The following PLEKHA7 variants were observed in gnomAD, a reference collection of about 807,000 sequenced individuals.
PLEKHA7 encodes pleckstrin homology domain containing A7.
A neutral mutation model predicts 170.0 loss-of-function variants in PLEKHA7; 104 were observed. The observed-to-expected ratio is 0.61, with a 90% CI of 0.52 to 0.72. PLEKHA7 has a LOEUF of 0.72. Ranked by LOEUF, PLEKHA7 falls within the 30% of genes least tolerant of loss-of-function variation. PLEKHA7 has a pLI of 0.00. For missense variants in PLEKHA7, 1,615 were observed against 1,671.7 expected, an observed-to-expected ratio of 0.97 and a Z score of 0.59; for synonymous variants, 648 against 660.8, an observed-to-expected ratio of 0.98 and a Z score of 0.30.
At chr11:16,976,421 T>A (rs565018354) in intron 3 of PLEKHA7, among the ~76,000 whole-genome samples, 1 of 152,246 alleles carries the variant, frequency 6.6e-6, no homozygotes, top group African/African-American at 2.4e-5. Context: ...GCACCCCTCT[T>A]CCCTCACTCA....
intron 3 of PLEKHA7, among the ~76,000 whole-genome samples, chr11:16,997,379 G>A (rs1864403002): frequency 1.3e-5 from 2 of 152,160 alleles, no homozygotes; most frequent in African/African-American, 4.8e-5. Context: ...CCCTTCCACT[G>A]TGAAGAAGAG....
chr11:16,788,965 G>A (rs1849594170), intron 23 of PLEKHA7, 131 bp downstream of exon 23: 1 of 1,158,406 alleles, frequency 8.6e-7, no homozygotes. Context: ...AGCCCCGTGG[G>A]GTGTTCTCTG....
At chr11:16,902,803 G>C (rs982579217) in intron 3 of PLEKHA7, among the ~76,000 whole-genome samples, 1 of 152,134 alleles carries the variant, frequency 6.6e-6, no homozygotes, top group Admixed American at 6.5e-5. Flanking sequence ...CTACCCAACA[G>C]ATGTGAGGAT....
intron 14 of PLEKHA7, 58 bp from the exon 15 acceptor site, chr11:16,803,110 G>A (rs1848710333): frequency 6.4e-7 from 1 of 1,566,402 alleles, no homozygotes; most frequent in Non-Finnish European, 8.8e-7. Context: ...CATGACCTTG[G>A]GATTGCAATC....
At chr11:16,797,563 T>G (rs72864006) in intron 17 of PLEKHA7, among the ~76,000 whole-genome samples, 2,726 of 152,246 alleles carry the variant, frequency 0.018, 35 homozygotes, top group Non-Finnish European at 0.029. Flanking sequence ...TGTCCCAAGG[T>G]GGGGCTCACA....
Position 16,778,068 on chromosome 11 carries a change from G to A in PLEKHA7, c.*930C>T, listed in dbSNP as rs566096109. Reference sequence around the variant, plus strand: ...ATGAATCACCTGAGGTCAGGAGTTCGAGACCAACCTCACCAACATGAAGAA... The same window carrying A: ...ATGAATCACCTGAGGTCAGGAGTTCAAGACCAACCTCACCAACATGAAGAA... On this transcript the variant is annotated 3_prime_UTR_variant, in exon 27 of 27. Coordinates refer to ENST00000531066, the MANE Select transcript of PLEKHA7 (RefSeq NM_001329630.2). 11 of 152,242 alleles carry A rather than the reference G, an allele frequency of 7.2e-5. No homozygotes were observed. Among genetic ancestry groups the A allele is most frequent in the African/African-American group, 1.4e-4 (6 of 41,544 alleles). The allele number at this position is 152,242 out of a possible 1,614,324, so 9.4% of individuals were successfully genotyped here. A position where few individuals can be genotyped will look rare whatever the true frequency, so the allele number is the denominator to read the frequency against.
chr11:16,930,042 T>A (rs540787613), intron 3 of PLEKHA7, among the ~76,000 whole-genome samples: 4 of 151,982 alleles, frequency 2.6e-5, no homozygotes, highest in Non-Finnish European at 5.9e-5. Flanking sequence ...AAGTATGTGC[T>A]GGGATATTTT....
At chr11:16,876,760 T>G (rs1222777930) in intron 3 of PLEKHA7, among the ~76,000 whole-genome samples, 2 of 152,266 alleles carry the variant, frequency 1.3e-5, no homozygotes, top group Non-Finnish European at 2.9e-5. Flanking sequence ...ATCCTATGGT[T>G]TCTTGCAGCA....
At chr11:17,000,942 G>C (rs1458764386) in intron 3 of PLEKHA7, among the ~76,000 whole-genome samples, 1 of 152,202 alleles carries the variant, frequency 6.6e-6, no homozygotes, top group Non-Finnish European at 1.5e-5. Flanking sequence ...AGCTACTAGT[G>C]AAGGATTTTA....
intron 3 of PLEKHA7, among the ~76,000 whole-genome samples, chr11:16,893,013 C>G (rs1409582550): frequency 6.6e-6 from 1 of 152,194 alleles, no homozygotes; most frequent in Admixed American, 6.5e-5. Flanking sequence ...TAATCCCATT[C>G]ATGAGGGCTC....
Position 16,817,745 on chromosome 11 carries a change from T to C in PLEKHA7, c.1344-423A>G, listed in dbSNP as rs772577186. On this transcript the variant is annotated intron_variant, in intron 10 of 26. Transcript: ENST00000531066. This position sits in a 1 kb window ranked among gnomAD's most constrained non-coding sequence, Gnocchi z 4.4. ...AGGTTCATAAAGGAAGTGGTTGGCATCAGTTCTCTTTTTTCTGGACTCTTC... is the reference window on the plus strand; with the variant it reads ...AGGTTCATAAAGGAAGTGGTTGGCACCAGTTCTCTTTTTTCTGGACTCTTC... Among the ~76,000 whole-genome samples the C allele has an allele frequency of 1.3e-5, 2 of 152,192 alleles. No individual in the cohort carries two copies. Among genetic ancestry groups the C allele is most frequent in the African/African-American group, 4.8e-5 (2 of 41,458 alleles).
At position 16,877,025 on chromosome 11, in the gene PLEKHA7, T is replaced by A. The variant is rs532427987; in HGVS notation, c.222-5843A>T. Among the ~76,000 whole-genome samples the A allele has an allele frequency of 6.6e-5, 10 of 152,314 alleles. No individual in the cohort carries two copies. In the South Asian group the frequency reaches 1.5e-3, roughly 22 times the overall value. On this transcript the variant is annotated intron_variant, in intron 3 of 26. Coordinates refer to ENST00000531066, the MANE Select transcript of PLEKHA7 (RefSeq NM_001329630.2). ...TCTGCTCCGTCAGCACTAGCTCTTA[T>A]CTGGCTATAAAGAGGAGAAGAAACA... is the stretch of plus-strand genomic sequence containing the variant.
intron 13 of PLEKHA7, among the ~76,000 whole-genome samples, chr11:16,809,333 C>G (rs552970779): frequency 6.6e-6 from 1 of 152,236 alleles, no homozygotes; most frequent in East Asian, 1.9e-4. Context: ...GGCTCTGGAT[C>G]CTTAAGTCCT....
chr11:16,812,435 T>A (rs1386117132), intron 13 of PLEKHA7: 1 of 152,262 alleles, frequency 6.6e-6, no homozygotes. Context: ...AAAGGTCACA[T>A]TCCTCCAGTC....
intron 3 of PLEKHA7, among the ~76,000 whole-genome samples, chr11:16,974,536 G>T (rs889004125): frequency 3.3e-5 from 5 of 151,538 alleles, no homozygotes; most frequent in African/African-American, 1.2e-4. Context: ...GTGATAACAT[G>T]TTATATTACA....
At chr11:17,006,194 AC>A (rs35246294) in intron 3 of PLEKHA7, among the ~76,000 whole-genome samples, 15,754 of 151,310 alleles carry the variant, frequency 0.1, 1,164 homozygotes, top group Non-Finnish European at 0.15. Context: ...AACATGTGAA[AC>A]CCCGTCTCTA....
chr11:16,986,892 G>T (rs1232938185), intron 3 of PLEKHA7, among the ~76,000 whole-genome samples: 3 of 152,208 alleles, frequency 2.0e-5, no homozygotes, highest in Non-Finnish European at 4.4e-5. Context: ...GGCAGGCCGA[G>T]CCCCTGCCCA....
chr11:16,951,240 C>G (rs1861386843), intron 3 of PLEKHA7, among the ~76,000 whole-genome samples: 1 of 151,896 alleles, frequency 6.6e-6, no homozygotes, highest in Non-Finnish European at 1.5e-5. Context: ...GCAGTTTCAC[C>G]TTGCCCTTCA....
At position 17,002,989 on chromosome 11, in the gene PLEKHA7, C is replaced by CTTTTTTTTTTT. The variant is rs568718448; in HGVS notation, c.221+10989_221+10999dup. On this transcript the variant is annotated intron_variant, in intron 3 of 26. Transcript: ENST00000531066. ...CCTTTAAGTACCAGAATAGTTGTGCCTTTTTTTTTTTTTTTTTTTTGTGAT... is the reference window on the plus strand; with the variant it reads ...CCTTTAAGTACCAGAATAGTTGTGCCTTTTTTTTTTTTTTTTTTTTTTTTTTTTTTTGTGAT... Among the ~76,000 whole-genome samples, 5 of 113,018 alleles carry CTTTTTTTTTTT rather than the reference C, an allele frequency of 4.4e-5. 1 individual carries two copies. Among genetic ancestry groups the CTTTTTTTTTTT allele is most frequent in the African/African-American group, 6.5e-5 (2 of 30,898 alleles). 74.1% of individuals were successfully genotyped at this position (113,018 alleles called of 152,430 possible).
Sources: gnomAD v4.1 joint callset for allele counts (sites outside exome capture counted in the v4.1 genomes callset) on GRCh38, gnomAD v4.1.1 for gene constraint, Gnocchi (gnomAD v3.1) non-coding constraint, MANE v1.5 for transcripts, NCBI Gene and HGNC (gene_info 2026-07-23, HGNC 2026-07-21) for gene names.